Variants in TEX11 observed in about 807,000 individuals in gnomAD.
TEX11 encodes the protein testis-expressed protein 11.
Under a neutral mutation model 84.4 loss-of-function variants are expected in TEX11, and 7 were observed. The observed-to-expected ratio is 0.08, with a 90% CI of 0.05 to 0.16. TEX11 has a LOEUF of 0.16. Ranked by LOEUF, TEX11 falls within the 10% of genes least tolerant of loss-of-function variation. TEX11 has a pLI of 1.00. For missense variants in TEX11, 551 were observed against 660.5 expected (o/e 0.83, Z 1.82); for synonymous variants, 264 against 222.8 (o/e 1.18, Z -1.64).
chrX:70,568,898 C>T (rs1215863206), intron 25 of TEX11, among the ~76,000 whole-genome samples: 7 of 110,310 alleles, frequency 6.3e-5, no homozygotes, highest in Non-Finnish European at 5.7e-5. Flanking sequence ...AGTTGCTCTT[C>T]TCGAGGAGTA....
At chrX:70,842,097 T>C (rs1326974099) in intron 7 of TEX11, among the ~76,000 whole-genome samples, 3 of 110,175 alleles carry the variant, frequency 2.7e-5, no homozygotes, top group Non-Finnish European at 3.8e-5. Context: ...TTCCAATCAA[T>C]AGAAAAAGAG....
At chrX:70,609,024 T>C (rs1195309306) in intron 22 of TEX11, 67 bp downstream of exon 22, 13 of 896,141 alleles carry the variant, frequency 1.5e-5, no homozygotes, top group African/African-American at 8.1e-5. Flanking sequence ...GATCCAGAAT[T>C]TGAAATCACA....
intron 8 of TEX11, among the ~76,000 whole-genome samples, chrX:70,827,911 G>A (rs1363795864): frequency 1.8e-5 from 2 of 111,458 alleles, no homozygotes; most frequent in Non-Finnish European, 3.8e-5. Context: ...CACACCCCCA[G>A]CTCAACACAG....
At chrX:70,584,390 G>A (rs1419480428) in intron 25 of TEX11, among the ~76,000 whole-genome samples, 1 of 111,425 alleles carries the variant, frequency 9.0e-6, no homozygotes, top group Non-Finnish European at 1.9e-5. Context: ...CAAGTAAAGA[G>A]ATTAAATAAG....
chrX:70,875,154 C>T (rs761461825), intron 3 of TEX11, among the ~76,000 whole-genome samples: 3 of 107,908 alleles, frequency 2.8e-5, no homozygotes, highest in Non-Finnish European at 3.9e-5. Flanking sequence ...CCAGCCTGGG[C>T]GAGACAGAGC....
Position 70,529,079 on chromosome X carries a change from G to A in TEX11, c.*16C>T. ...TCTCGGGACAATGTATCTTCTTCAT[G>A]TGGCCATGAGCTTGCCTAATCTGAC... On this transcript the variant is annotated 3_prime_UTR_variant, in exon 30 of 30. Transcript: ENST00000374333. The A allele has an allele frequency of 1.7e-6, 2 of 1,181,894 alleles. No individual in the cohort carries two copies. Among genetic ancestry groups the A allele is most frequent in the Non-Finnish European group, 1.1e-6 (1 of 870,401 alleles).
intron 9 of TEX11, among the ~76,000 whole-genome samples, chrX:70,784,642 C>T (rs1002508568): frequency 9.0e-6 from 1 of 111,668 alleles, no homozygotes; most frequent in African/African-American, 3.3e-5. Context: ...TCTCAGGATA[C>T]AAAATCAATG....
At chrX:70,668,225 T>C (rs1393158153) in intron 16 of TEX11, among the ~76,000 whole-genome samples, 4 of 112,276 alleles carry the variant, frequency 3.6e-5, no homozygotes, top group Admixed American at 9.4e-5. Flanking sequence ...GTCAGTATTA[T>C]TGACTACCTA....
chrX:70,574,592 T>A (rs1435836573), intron 25 of TEX11, among the ~76,000 whole-genome samples: 2 of 111,643 alleles, frequency 1.8e-5, no homozygotes, highest in South Asian at 3.7e-4. Flanking sequence ...TAATTTCTGG[T>A]GTTATAGCAG....
chrX:70,863,607 C>T (rs995460074), intron 4 of TEX11, among the ~76,000 whole-genome samples: 1 of 111,780 alleles, frequency 8.9e-6, no homozygotes, highest in African/African-American at 3.3e-5. Flanking sequence ...TAGATAAATC[C>T]ACGAAGATGA....
At chrX:70,546,499 T>C (rs2088127101) in intron 28 of TEX11, among the ~76,000 whole-genome samples, 1 of 110,851 alleles carries the variant, frequency 9.0e-6, no homozygotes, top group African/African-American at 3.3e-5. Flanking sequence ...ACATATCTGG[T>C]AAAGGACTTG....
intron 17 of TEX11, among the ~76,000 whole-genome samples, chrX:70,650,305 C>T (rs1005231191): frequency 9.0e-6 from 1 of 110,738 alleles, no homozygotes; most frequent in East Asian, 2.8e-4. Flanking sequence ...CTTCAATATA[C>T]GTGACTTAAA....
intron 2 of TEX11, among the ~76,000 whole-genome samples, chrX:70,893,483 C>T (rs1378686462): frequency 2.7e-5 from 3 of 111,521 alleles, no homozygotes; most frequent in East Asian, 2.8e-4. Context: ...TGGGTAATAA[C>T]GAAATTAAGG....
intron 23 of TEX11, among the ~76,000 whole-genome samples, chrX:70,606,707 A>G (rs1473146804): frequency 1.8e-5 from 2 of 111,921 alleles, no homozygotes; most frequent in Non-Finnish European, 1.9e-5. Context: ...GCAAAGAAAT[A>G]AGTCTTAAAT....
chrX:70,778,623 T>TTTTGTTTG (rs200458009), intron 9 of TEX11, among the ~76,000 whole-genome samples: 5 of 109,803 alleles, frequency 4.6e-5, no homozygotes, highest in Non-Finnish European at 9.4e-5. Context: ...CCAGGCTATG[T>TTTTGTTTG]TTTGTTTGTT....
intron 2 of TEX11, among the ~76,000 whole-genome samples, chrX:70,892,812 T>C (rs1192231444): frequency 9.2e-6 from 1 of 108,657 alleles, no homozygotes; most frequent in African/African-American, 3.3e-5. Context: ...GAGATCAATC[T>C]CACGTGCAAA....
chrX:70,897,776 C>T (rs2091781678), intron 2 of TEX11, among the ~76,000 whole-genome samples: 1 of 111,140 alleles, frequency 9.0e-6, no homozygotes, highest in South Asian at 3.8e-4. Context: ...TTCAATAAAA[C>T]TTTAATGATA....
intron 24 of TEX11, among the ~76,000 whole-genome samples, chrX:70,599,610 G>A (rs1440274668): frequency 2.8e-5 from 3 of 107,923 alleles, no homozygotes; most frequent in Non-Finnish European, 1.9e-5. Context: ...ATGCTGGTGC[G>A]CTGCACCCAC....
chrX:70,697,974 T>C (rs1486579301), intron 13 of TEX11, among the ~76,000 whole-genome samples: 1 of 112,030 alleles, frequency 8.9e-6, no homozygotes, highest in Non-Finnish European at 1.9e-5. Flanking sequence ...TTTATTTATT[T>C]CTGAAGAAGC....
Sources: allele counts gnomAD v4.1 joint callset (sites outside exome capture counted in the v4.1 genomes callset), GRCh38; gene constraint gnomAD v4.1.1; transcripts MANE v1.5; gene names NCBI Gene and HGNC (gene_info 2026-07-23, HGNC 2026-07-21).